The following EFHB variants were observed in gnomAD, a reference collection of about 807,000 sequenced individuals.
EFHB encodes EF-hand domain-containing family member B.
A neutral mutation model predicts 87.2 loss-of-function variants in EFHB; 91 were observed. The ratio of observed to expected loss-of-function variants is 1.04; its 90% CI spans 0.88 to 1.24. EFHB has a LOEUF of 1.24. EFHB is among the 50% of genes most tolerant of loss of function. EFHB has a pLI of 0.00. For synonymous variants in EFHB, 325 were observed against 333.6 expected (o/e 0.97, Z 0.28); for missense variants, 1,084 against 998.8 (o/e 1.09, Z -1.15).
intron 6 of EFHB, among the ~76,000 whole-genome samples, chr3:19,902,582 G>A (rs1694709132): frequency 6.6e-6 from 1 of 151,950 alleles, no homozygotes; most frequent in South Asian, 2.1e-4. Context: ...TCGAACTCCT[G>A]ACCTTGTGAT....
At chr3:19,936,245 G>GACTAC, upstream of EFHB, 1 of 764,468 alleles carries the variant, frequency 1.3e-6, no homozygotes, top group South Asian at 1.5e-5. Flanking sequence ...AGCTATCTGA[G>GACTAC]AGGCTGAAGT....
At chr3:19,941,991 C>T (rs888277864) in intron 1 of EFHB, among the ~76,000 whole-genome samples, 1 of 151,868 alleles carries the variant, frequency 6.6e-6, no homozygotes, top group Admixed American at 6.6e-5. Context: ...CACGTCTCTA[C>T]TAAAAATACA....
chr3:19,915,209 G>T, intron 5 of EFHB, 94 bp downstream of exon 5: 1 of 706,152 alleles, frequency 1.4e-6, no homozygotes, highest in East Asian at 2.7e-5. Context: ...TTACATGGCA[G>T]GCATTTAACT....
rs774437487 is a variant in EFHB at position 19,879,702 on chromosome 3, C to T, written c.2431G>A (p.Val811Ile). The T allele has an allele frequency of 2.5e-6, 4 of 1,611,108 alleles. No homozygotes were observed. The South Asian group carries it at 3.3e-5, about 13-fold the overall frequency. The change falls in exon 13 of 13, where the codon GTT becomes ATT. Residue 811 changes from valine to isoleucine, a missense_variant. Coordinates refer to ENST00000295824, the MANE Select transcript of EFHB (RefSeq NM_144715.4). ...SKKHHRGEVCVENIRNVLDEL... is the reference protein window; with the variant it reads ...SKKHHRGEVCIENIRNVLDEL... ...TCTAGAACATTTCTGATGTTCTCAA[C>T]ACAAACTTCTCCTCTGTGATGCTTT...
At chr3:19,882,044 TAAA>T (rs1559441283) in intron 12 of EFHB, among the ~76,000 whole-genome samples, 3 of 142,962 alleles carry the variant, frequency 2.1e-5, no homozygotes, top group South Asian at 2.2e-4. Context: ...AATAAATAAA[TAAA>T]TAAATAAATA....
At chr3:19,940,849 C>A in intron 1 of EFHB, 1 of 373,144 alleles carries the variant, frequency 2.7e-6, no homozygotes, top group Non-Finnish European at 5.4e-6. Flanking sequence ...ACATGCTCAC[C>A]TTCATAAACC....
chr3:19,915,397 A>T lies in EFHB; in HGVS notation c.1194T>A (p.Asp398Glu). Residue 398 changes from aspartate to glutamate, a missense_variant, in exon 5 of 13, where the codon GAT (aspartate) becomes GAA (glutamate). Physicochemically the swap from Asp to Glu is conservative, Grantham distance 45. Coordinates refer to ENST00000295824, the MANE Select transcript of EFHB (RefSeq NM_144715.4). ...CATAGGATTTTGGTGGATTCACCAC[A>T]TCTTTAGCAGAGTATTCTGAAGGAA... ...TAVIKEYSAKDVVNPPKSYEE... is the reference protein window; with the variant it reads ...TAVIKEYSAKEVVNPPKSYEE... 1 of 1,610,274 alleles carries T rather than the reference A, an allele frequency of 6.2e-7. No individual in the cohort carries two copies. Among genetic ancestry groups the T allele is most frequent in the Non-Finnish European group, 8.5e-7 (1 of 1,177,256 alleles).
intron 4 of EFHB, among the ~76,000 whole-genome samples, chr3:19,915,839 A>G (rs952796713): frequency 1.3e-5 from 2 of 152,014 alleles, no homozygotes; most frequent in Non-Finnish European, 2.9e-5. Flanking sequence ...CAGGTGTGGA[A>G]GCACGTGCCT....
intron 5 of EFHB, among the ~76,000 whole-genome samples, chr3:19,908,811 T>C (rs1158671506): frequency 6.6e-6 from 1 of 152,118 alleles, no homozygotes; most frequent in Non-Finnish European, 1.5e-5. Context: ...TGTAGGTCCA[T>C]ATTTATTGCT....
At chr3:19,946,573 G>A (rs1696287471) in intron 1 of EFHB, among the ~76,000 whole-genome samples, 1 of 152,196 alleles carries the variant, frequency 6.6e-6, no homozygotes, top group Non-Finnish European at 1.5e-5. Flanking sequence ...GGCGCCTAAA[G>A]GCGGCTTTTG....
At chr3:19,946,233 T>A (rs1169417763) in intron 1 of EFHB, 3 of 152,210 alleles carry the variant, frequency 2.0e-5, no homozygotes, top group Non-Finnish European at 4.4e-5. Context: ...TTACTCAATC[T>A]CTTGTGTCTC....
intron 1 of EFHB, among the ~76,000 whole-genome samples, chr3:19,922,565 C>A (rs1695472548): frequency 6.6e-6 from 1 of 152,174 alleles, no homozygotes; most frequent in African/African-American, 2.4e-5. Context: ...GCTTCCTCTC[C>A]CACTGGGCCC....
intron 11 of EFHB, among the ~76,000 whole-genome samples, chr3:19,883,726 G>A (rs937231329): frequency 1.3e-5 from 2 of 152,150 alleles, no homozygotes; most frequent in African/African-American, 4.8e-5. Context: ...CTTGTAAAAT[G>A]GAGAAATTTG....
In EFHB at chr3:19,933,515, T is replaced by A; in HGVS notation, c.504A>T (p.Arg168Ser). 6 of 1,613,982 alleles carry A rather than the reference T, an allele frequency of 3.7e-6. No homozygotes were observed. The highest frequency in any genetic ancestry group is 5.1e-6 in the Non-Finnish European group (6 of 1,179,886). ...AGGTAGACTCTTTTTCCATTTCCTG[T>A]CTTGGTTCCATAACGAAAGCAGGCT... ...VGKPAFVMEP[R>S]QEMEKESTCV... The change falls in exon 1 of 13, where the codon AGA becomes AGT. Residue 168 changes from arginine to serine, a missense_variant. By Grantham distance (110) the Arg-to-Ser change is moderately radical. Coordinates refer to ENST00000295824, the MANE Select transcript of EFHB (RefSeq NM_144715.4).
upstream of EFHB, among the ~76,000 whole-genome samples, chr3:19,939,185 C>CACG (rs1178480504): frequency 1.3e-5 from 2 of 151,750 alleles, no homozygotes; most frequent in Admixed American, 1.3e-4. Context: ...GGATTACATG[C>CACG]ACGAGTCAAC....
At chr3:19,897,816 A>T (rs1694539369) in intron 8 of EFHB, among the ~76,000 whole-genome samples, 2 of 152,218 alleles carry the variant, frequency 1.3e-5, no homozygotes, top group Admixed American at 1.3e-4. Flanking sequence ...TTGTGTAAAA[A>T]CAGAACCCAA....
chr3:19,934,676 C>A (rs1467391725), upstream of EFHB, among the ~76,000 whole-genome samples: 2 of 152,244 alleles, frequency 1.3e-5, no homozygotes, highest in Middle Eastern at 3.4e-3. Flanking sequence ...TTGGCTTCTT[C>A]CTGGCCATTG....
At chr3:19,917,305 A>T (rs1695266864) in intron 4 of EFHB, among the ~76,000 whole-genome samples, 2 of 151,774 alleles carry the variant, frequency 1.3e-5, no homozygotes, top group South Asian at 4.1e-4. Context: ...TGTAAAATAC[A>T]TTTTTCATGT....
intron 5 of EFHB, among the ~76,000 whole-genome samples, chr3:19,911,270 A>G (rs1463979756): frequency 2.6e-5 from 4 of 152,188 alleles, no homozygotes; most frequent in African/African-American, 7.2e-5. Context: ...ATTAAAAAGA[A>G]TCAAGCAAAG....
Sources: gnomAD v4.1 joint callset for allele counts (sites outside exome capture counted in the v4.1 genomes callset) on GRCh38, gnomAD v4.1.1 for gene constraint, MANE v1.5 for transcripts, NCBI Gene and HGNC (gene_info 2026-07-23, HGNC 2026-07-21) for gene names.